Variants in TENM2 observed in about 807,000 individuals in gnomAD.
The protein encoded by TENM2 is teneurin transmembrane protein 2, also known as teneurin-2.
A neutral mutation model predicts 245.2 loss-of-function variants in TENM2; 52 were observed. The observed-to-expected ratio is 0.21, with a 90% CI of 0.17 to 0.27. TENM2 has a LOEUF of 0.27. TENM2 is among the 10% of genes least tolerant of loss of function. The pLI is 1.00. For missense variants in TENM2, 3,046 were observed against 3,666.8 expected, an observed-to-expected ratio of 0.83 and a Z score of 4.37; for synonymous variants, 1,363 against 1,438.9, an observed-to-expected ratio of 0.95 and a Z score of 1.19.
chr5:167,642,539 A>T (rs1001416311), intron 2 of TENM2, among the ~76,000 whole-genome samples: 1 of 152,154 alleles, frequency 6.6e-6, no homozygotes, highest in African/African-American at 2.4e-5. Context: ...TTATACACAC[A>T]CACACTCATG....
At chr5:167,146,170 T>G in the TENM2 span, among the ~76,000 whole-genome samples, 25 of 152,104 alleles carry the variant, frequency 1.6e-4, no homozygotes, top group African/African-American at 5.1e-4. Flanking sequence ...GACCCAATTA[T>G]TTATGGAGCT....
At chr5:167,852,138 A>G (rs1207846073) in intron 2 of TENM2, among the ~76,000 whole-genome samples, 1 of 152,210 alleles carries the variant, frequency 6.6e-6, no homozygotes, top group Non-Finnish European at 1.5e-5. Flanking sequence ...TATTTGTTAA[A>G]ATTGTAGGCA....
chr5:167,733,315 G>C (rs1760568624), intron 2 of TENM2, among the ~76,000 whole-genome samples: 5 of 152,190 alleles, frequency 3.3e-5, no homozygotes, highest in Admixed American at 3.3e-4. Flanking sequence ...GTTAATAACA[G>C]GCACTGAGGG....
chr5:168,048,478 C>T (rs924557896), intron 6 of TENM2, among the ~76,000 whole-genome samples: 1 of 152,194 alleles, frequency 6.6e-6, no homozygotes, highest in Non-Finnish European at 1.5e-5. Context: ...TATTAGGCAC[C>T]TATTGCATGC....
In TENM2 at chr5:168,115,456, AT is replaced by A. The variant is rs558188977; in HGVS notation, c.1814-2830del. Among the ~76,000 whole-genome samples, 14 of 152,042 alleles carry A rather than the reference AT, an allele frequency of 9.2e-5. No homozygotes were observed. The East Asian group carries it at 2.3e-3, about 25-fold the overall frequency. On this transcript the variant is annotated intron_variant, in intron 9 of 28. Transcript: ENST00000518659. Reference sequence around the variant, plus strand: ...AAAAAAAGAAAAAAATTTTATCTATATTTTTTATTGATTAAAAAAGACAAAA... The same window carrying A: ...AAAAAAAGAAAAAAATTTTATCTATATTTTTATTGATTAAAAAAGACAAAA...
At chr5:167,719,716 T>A (rs1759498499) in intron 2 of TENM2, among the ~76,000 whole-genome samples, 1 of 152,252 alleles carries the variant, frequency 6.6e-6, no homozygotes. Flanking sequence ...TCTCAACCAG[T>A]GGCGATTTTG....
chr5:167,535,152 C>T (rs537712740), intron 2 of TENM2, among the ~76,000 whole-genome samples: 2 of 152,082 alleles, frequency 1.3e-5, no homozygotes, highest in South Asian at 4.2e-4. Flanking sequence ...AAGATGTCCA[C>T]AGGGTACACA....
intron 12 of TENM2, among the ~76,000 whole-genome samples, chr5:168,134,555 C>T (rs1304562939): frequency 1.3e-5 from 2 of 151,942 alleles, no homozygotes; most frequent in South Asian, 4.2e-4. Context: ...GGTGTGGTGG[C>T]GAGCACCTGT....
chr5:167,466,867 A>G (rs1766691681), intron 2 of TENM2, among the ~76,000 whole-genome samples: 1 of 152,182 alleles, frequency 6.6e-6, no homozygotes, highest in Non-Finnish European at 1.5e-5. Flanking sequence ...ACTGTGTATA[A>G]GGAGGCTCCA....
chr5:167,397,885 A>G (rs1354352885), intron 2 of TENM2, among the ~76,000 whole-genome samples: 2 of 152,140 alleles, frequency 1.3e-5, no homozygotes, highest in African/African-American at 4.8e-5. Flanking sequence ...TAAAAATATC[A>G]AAGATTTATA....
At chr5:167,211,642 A>G in the TENM2 span, among the ~76,000 whole-genome samples, 7 of 152,196 alleles carry the variant, frequency 4.6e-5, no homozygotes, top group Admixed American at 6.5e-5. Context: ...CCTGAAGACT[A>G]TAGTCTCAGA....
chr5:168,162,820 A>G, intron 13 of TENM2, 63 bp downstream of exon 15: 1 of 1,575,028 alleles, frequency 6.3e-7, no homozygotes, highest in Non-Finnish European at 8.7e-7. Context: ...CTTTTGTCAT[A>G]AGTCATTTTT....
intron 3 of TENM2, among the ~76,000 whole-genome samples, chr5:167,918,910 A>C (rs1777148712): frequency 6.6e-6 from 1 of 152,058 alleles, no homozygotes; most frequent in Non-Finnish European, 1.5e-5. Context: ...ATTTTGGAGA[A>C]TTTCTGCAAT....
At chr5:167,554,991 A>G (rs1025759295) in intron 2 of TENM2, among the ~76,000 whole-genome samples, 4 of 152,196 alleles carry the variant, frequency 2.6e-5, no homozygotes, top group Non-Finnish European at 4.4e-5. Flanking sequence ...GTCAGGATTA[A>G]AAACACACAT....
chr5:167,835,253 C>A (rs575248306), intron 2 of TENM2, among the ~76,000 whole-genome samples: 1 of 152,182 alleles, frequency 6.6e-6, no homozygotes, highest in Admixed American at 6.5e-5. Flanking sequence ...CAGAGTGAGA[C>A]TATCATCCCA....
intron 1 of TENM2, among the ~76,000 whole-genome samples, chr5:167,355,424 TGA>T (rs1759246469): frequency 1.3e-5 from 2 of 152,200 alleles, no homozygotes; most frequent in Non-Finnish European, 1.5e-5. Context: ...GAGCCAATTC[TGA>T]GAGAGAGGAA....
At chr5:167,404,524 C>T (rs886854024) in intron 2 of TENM2, among the ~76,000 whole-genome samples, 4 of 152,068 alleles carry the variant, frequency 2.6e-5, no homozygotes, top group Admixed American at 2.0e-4. Flanking sequence ...TTGAAGGAAG[C>T]CCTTTTAACC....
In TENM2 at chr5:168,199,963, A is replaced by G. The variant is rs947656140; in HGVS notation, c.3262A>G (p.Thr1088Ala). The change falls in exon 17 of 29, where the codon ACC (threonine) becomes GCC (alanine). Residue 1088 changes from threonine to alanine, a missense_variant. By Grantham distance (58) the Thr-to-Ala change is moderately conservative (BLOSUM62 0). This residue lies in a region of TENM2 where 2,704 missense variants were observed against 3,331.9 expected (regional missense o/e 0.81). Coordinates refer to ENST00000518659, the Ensembl canonical transcript of TENM2. Reference sequence around the variant, plus strand: ...CAAGTCACTGCTGAAGATCACCATGACCCAGTCCACAGTGCCCCTGAACCT... The same window carrying G: ...CAAGTCACTGCTGAAGATCACCATGGCCCAGTCCACAGTGCCCCTGAACCT... 1.2e-6 allele frequency: 2 copies of G among 1,613,766 alleles called. No individual in the cohort carries two copies. Among genetic ancestry groups the G allele is most frequent in the Admixed American group, 1.7e-5 (1 of 59,994 alleles).
chr5:167,955,892 C>A lies in TENM2; in HGVS notation c.947+3070C>A, dbSNP rs564058534. On this transcript the variant is annotated intron_variant, in intron 4 of 28. Transcript: ENST00000518659. ...GTAACCTTGTAGTATAGTTTGAAGT[C>A]AGGTAGCGTGATGACTCCTGTTTTG... 2.6e-5 allele frequency among the ~76,000 whole-genome samples: 4 copies of A among 152,262 alleles called. No homozygotes were observed. In the South Asian group the frequency reaches 8.3e-4, roughly 32 times the overall value.
Sources: gnomAD v4.1 joint callset for allele counts (sites outside exome capture counted in the v4.1 genomes callset) on GRCh38, gnomAD v4.1.1 for gene constraint, gnomAD v4.1.1 regional missense constraint, MANE v1.5 for transcripts, NCBI Gene and HGNC (gene_info 2026-07-23, HGNC 2026-07-21) for gene names.